KANSL1L: variants seen among roughly 807,000 people sequenced by gnomAD.
KANSL1L encodes the protein KAT8 regulatory NSL complex subunit 1-like protein.
Under a neutral mutation model 108.6 loss-of-function variants are expected in KANSL1L, and 25 were observed. The ratio of observed to expected loss-of-function variants is 0.23; its 90% CI spans 0.17 to 0.32. KANSL1L has a LOEUF of 0.32. KANSL1L is among the 10% of genes least tolerant of loss of function. The probability of loss-of-function intolerance (pLI) is 1.00; values close to 1 mark genes in which losing one functional copy is unlikely to be tolerated. For missense variants in KANSL1L, 1,137 were observed against 1,125.7 expected, an observed-to-expected ratio of 1.01 and a Z score of -0.14; for synonymous variants, 405 against 395.1, an observed-to-expected ratio of 1.03 and a Z score of -0.30.
In KANSL1L at chr2:210,024,961, A is replaced by G. The variant is rs1444228493; in HGVS notation, c.2564+143T>C. On this transcript the variant is annotated intron_variant, in intron 13 of 14. Coordinates refer to ENST00000281772, the MANE Select transcript of KANSL1L (RefSeq NM_152519.4). ...TATATTTTGAATACAAGCTCATTCT[A>G]TGTAGTATTTTACTTCTGGTGCACA... 12 of 607,222 alleles carry G rather than the reference A, an allele frequency of 2.0e-5. No homozygotes were observed. In the South Asian group the frequency reaches 2.0e-4, roughly 10 times the overall value. 37.6% of individuals were successfully genotyped at this position (607,222 alleles called of 1,614,324 possible).
At chr2:210,036,838 C>T (rs1045083648) in intron 8 of KANSL1L, among the ~76,000 whole-genome samples, 11 of 152,104 alleles carry the variant, frequency 7.2e-5, no homozygotes, top group African/African-American at 2.7e-4. Flanking sequence ...CTCACTGCAG[C>T]CTCAACCTCC....
intron 8 of KANSL1L, chr2:210,032,064 T>G (rs974255174): frequency 6.6e-6 from 1 of 152,346 alleles, no homozygotes; most frequent in Admixed American, 6.5e-5. Context: ...TCTGATGTGA[T>G]AAGTGTGCAG....
chr2:210,123,396 A>G (rs2095038925), intron 3 of KANSL1L, among the ~76,000 whole-genome samples: 1 of 152,094 alleles, frequency 6.6e-6, no homozygotes, highest in African/African-American at 2.4e-5. Context: ...GATGGAACTG[A>G]AGGTCATTAT....
intron 6 of KANSL1L, among the ~76,000 whole-genome samples, chr2:210,054,508 T>A (rs548258571): frequency 2.2e-3 from 338 of 152,058 alleles, no homozygotes; most frequent in African/African-American, 7.6e-3. Flanking sequence ...GCAAAAAAAA[T>A]TAAAATTTAT....
Position 210,060,061 on chromosome 2 carries a change from T to C in KANSL1L, c.1755+15491A>G, listed in dbSNP as rs368186805. On this transcript the variant is annotated intron_variant, in intron 6 of 14. Transcript: ENST00000281772. ...CCCAGCTTCCAGTAAGAATTTAAATTTCTATGAGATGATATCTTTATTTTT... is the reference window on the plus strand; with the variant it reads ...CCCAGCTTCCAGTAAGAATTTAAATCTCTATGAGATGATATCTTTATTTTT... 1.1e-4 allele frequency among the ~76,000 whole-genome samples: 17 copies of C among 152,256 alleles called. 1 individual carries two copies. Among genetic ancestry groups the C allele is most frequent in the African/African-American group, 4.1e-4 (17 of 41,564 alleles).
chr2:210,023,963 C>T, intron 14 of KANSL1L, 70 bp downstream of exon 14: 2 of 1,072,782 alleles, frequency 1.9e-6, no homozygotes, highest in Non-Finnish European at 2.6e-6. Flanking sequence ...TAATTTTTTT[C>T]AAGTAGTTTC....
intron 2 of KANSL1L, among the ~76,000 whole-genome samples, chr2:210,140,399 T>C (rs1179835627): frequency 1.3e-5 from 2 of 152,196 alleles, no homozygotes; most frequent in East Asian, 3.9e-4. Context: ...TTCCCAACAC[T>C]GTTGAAAAGA....
chr2:210,098,043 G>A (rs1559553383), intron 5 of KANSL1L, 43 bp downstream of exon 5: 2 of 1,518,204 alleles, frequency 1.3e-6, no homozygotes, highest in Non-Finnish European at 1.8e-6. Context: ...GATAAAATAG[G>A]CAAAGTTGAA....
intron 2 of KANSL1L, among the ~76,000 whole-genome samples, chr2:210,137,508 C>T (rs1024538477): frequency 6.6e-6 from 1 of 152,100 alleles, no homozygotes. Flanking sequence ...TTTTAAAATG[C>T]TGTAACAGAA....
chr2:210,035,667 C>T (rs1291154784), intron 8 of KANSL1L, among the ~76,000 whole-genome samples: 5 of 152,156 alleles, frequency 3.3e-5, no homozygotes, highest in South Asian at 2.1e-4. Context: ...TTAGTACAGA[C>T]GGGGTTTCAC....
At chr2:210,098,616 C>G (rs1317904436) in intron 4 of KANSL1L, among the ~76,000 whole-genome samples, 1 of 151,962 alleles carries the variant, frequency 6.6e-6, no homozygotes, top group African/African-American at 2.4e-5. Flanking sequence ...TTACAACTAA[C>G]CAGCAAAGAA....
chr2:210,138,790 A>G (rs1182199167), intron 2 of KANSL1L, among the ~76,000 whole-genome samples: 1 of 152,144 alleles, frequency 6.6e-6, no homozygotes, highest in Non-Finnish European at 1.5e-5. Flanking sequence ...AACATTGAAA[A>G]TATCATAAGT....
chr2:210,114,214 C>G (rs1274510229), intron 3 of KANSL1L, among the ~76,000 whole-genome samples: 1 of 152,150 alleles, frequency 6.6e-6, no homozygotes, highest in African/African-American at 2.4e-5. Context: ...CTCCGTAATA[C>G]TATCAGTAGC....
intron 5 of KANSL1L, among the ~76,000 whole-genome samples, chr2:210,087,980 T>C (rs531086905): frequency 3.9e-5 from 6 of 152,358 alleles, no homozygotes; most frequent in Admixed American, 6.5e-5. Flanking sequence ...GGTGTCATTT[T>C]TTTTTCACAA....
intron 6 of KANSL1L, among the ~76,000 whole-genome samples, chr2:210,052,721 A>G (rs1368797807): frequency 2.0e-5 from 3 of 152,252 alleles, no homozygotes; most frequent in South Asian, 2.1e-4. Flanking sequence ...TGAAGGTAGG[A>G]ACCCTTTCTG....
At chr2:210,166,115 T>C (rs1687942973) in intron 1 of KANSL1L, among the ~76,000 whole-genome samples, 1 of 152,186 alleles carries the variant, frequency 6.6e-6, no homozygotes, top group Non-Finnish European at 1.5e-5. Flanking sequence ...GATGGACTAC[T>C]GTACTACAAA....
Position 210,153,594 on chromosome 2 carries a change from C to A in KANSL1L, c.989G>T (p.Gly330Val). 1 of 1,613,936 alleles carries A rather than the reference C, an allele frequency of 6.2e-7. No homozygotes were observed. The highest frequency in any genetic ancestry group is 1.3e-5 in the African/African-American group (1 of 74,994). The change falls in exon 2 of 15, where the codon GGG becomes GTG. Residue 330 changes from glycine to valine, a missense_variant. Around this residue, in one of 3 missense-constraint regions of KANSL1L, gnomAD observed 556 missense variants for 537.7 expected, o/e 1.03. Transcript: ENST00000281772. ...ACCCTCTTCAACATGAGACAACAGC[C>A]CTGTAGCAGAAAATGCAAATCTTTG... The part of the protein sequence containing the change: ...EIQRFAFSAT[G>V]LLSHVEEGLD...
Position 210,024,192 on chromosome 2 carries a change from A to C in KANSL1L, c.2574T>G (p.Ser858Arg). 1 of 1,568,018 alleles carries C rather than the reference A, an allele frequency of 6.4e-7. No homozygotes were observed. Among genetic ancestry groups the C allele is most frequent in the South Asian group, 1.2e-5 (1 of 84,092 alleles). ...GCAAGTCCTGTCCTTCAACATTTTT[A>C]CTGTAAGCTCTAGCAAGAAAATCAG... Reference protein sequence around the residue: ...KWHRRNSRAYSKNVEGQDLLL... With the variant: ...KWHRRNSRAYRKNVEGQDLLL... Residue 858 changes from serine (S) to arginine (R), a missense_variant, in exon 14 of 15, where the codon AGT becomes AGG. Ser to Arg is a moderately radical substitution (Grantham distance 110). Transcript: ENST00000281772.
chr2:210,034,134 T>C (rs2094066420), intron 8 of KANSL1L, among the ~76,000 whole-genome samples: 1 of 152,186 alleles, frequency 6.6e-6, no homozygotes. Flanking sequence ...AGAGAACCAA[T>C]TACATGGCAA....
Sources: allele counts gnomAD v4.1 joint callset (sites outside exome capture counted in the v4.1 genomes callset), GRCh38; gene constraint gnomAD v4.1.1; regional missense constraint gnomAD v4.1.1; transcripts MANE v1.5; gene names NCBI Gene and HGNC (gene_info 2026-07-23, HGNC 2026-07-21).